LRRK2: variants seen among roughly 807,000 people sequenced by gnomAD.
LRRK2 encodes leucine rich repeat kinase 2.
Under a neutral mutation model 302.6 loss-of-function variants are expected in LRRK2, and 203 were observed. The ratio of observed to expected loss-of-function variants is 0.67; its 90% CI spans 0.60 to 0.75. The LOEUF is 0.75. Among genes scored for constraint, LRRK2 ranks in the 30% least tolerant of loss-of-function variants. The pLI, the probability that LRRK2 is intolerant of heterozygous loss-of-function variation, is 0.00. For missense variants in LRRK2, 2,830 were observed against 2,951.0 expected (o/e 0.96, Z 0.95); for synonymous variants, 1,066 against 1,031.9 (o/e 1.03, Z -0.63).
At chr12:40,238,741 T>C (rs1941586223) in intron 5 of LRRK2, among the ~76,000 whole-genome samples, 1 of 152,142 alleles carries the variant, frequency 6.6e-6, no homozygotes, top group Non-Finnish European at 1.5e-5. Context: ...GAGCCAACTG[T>C]GCTAGGGGTT....
Position 40,273,757 on chromosome 12 carries a change from T to C in LRRK2, c.1657-826T>C, listed in dbSNP as rs572076643. 2.6e-5 allele frequency among the ~76,000 whole-genome samples: 4 copies of C among 152,324 alleles called. No homozygotes were observed. The East Asian group carries it at 7.7e-4, about 29-fold the overall frequency. On this transcript the variant is annotated intron_variant, in intron 14 of 50. Transcript: ENST00000298910. ...AGAAAAGCTATGAGTTAAGCATTCA[T>C]ATCAAGGTAGATGTTTGGAGTGTAT... is the stretch of plus-strand genomic sequence containing the variant.
chr12:40,331,106 CT>C (rs1156920467), intron 39 of LRRK2, among the ~76,000 whole-genome samples: 2 of 152,040 alleles, frequency 1.3e-5, no homozygotes, highest in African/African-American at 4.8e-5. Flanking sequence ...TCATCTTGAT[CT>C]TTCTCTTTTA....
At chr12:40,272,580 T>C (rs17490921) in intron 14 of LRRK2, among the ~76,000 whole-genome samples, 6,803 of 152,218 alleles carry the variant, frequency 0.045, 511 homozygotes, top group African/African-American at 0.15. Context: ...ATTGTTATTA[T>C]GACTTGAAGT....
chr12:40,354,890 C>T (rs1447980886), intron 45 of LRRK2, among the ~76,000 whole-genome samples: 1 of 151,448 alleles, frequency 6.6e-6, no homozygotes, highest in East Asian at 1.9e-4. Context: ...CAGGCTTAAA[C>T]ATACCAGTTA....
In LRRK2 at chr12:40,314,924, C is replaced by T. The variant is rs1454761203; in HGVS notation, c.4739-288C>T. ...GTCTTTGTAGTGTGTATTCAGCAAG[C>T]GAAACAGAAAATTATGAATTTCTAC... On this transcript the variant is annotated intron_variant, in intron 32 of 50. Transcript: ENST00000298910. Among the ~76,000 whole-genome samples, 7 of 151,902 alleles carry T rather than the reference C, an allele frequency of 4.6e-5. No individual in the cohort carries two copies. In the South Asian group the frequency reaches 8.3e-4, roughly 18 times the overall value.
chr12:40,303,003 T>C, intron 26 of LRRK2, 121 bp downstream of exon 26: 1 of 705,428 alleles, frequency 1.4e-6, no homozygotes, highest in East Asian at 2.6e-5. Flanking sequence ...CTTGATGTTT[T>C]TGTATGTATG....
intron 38 of LRRK2, among the ~76,000 whole-genome samples, chr12:40,325,961 G>T (rs1239519183): frequency 6.6e-6 from 1 of 152,142 alleles, no homozygotes; most frequent in Non-Finnish European, 1.5e-5. Context: ...TATTTTTCTG[G>T]AGAGCCAAGA....
At chr12:40,326,749 C>G (rs191370421) in intron 38 of LRRK2, among the ~76,000 whole-genome samples, 27 of 152,246 alleles carry the variant, frequency 1.8e-4, no homozygotes, top group Admixed American at 1.3e-3. Context: ...TAACAGTTCC[C>G]TCTGAAGCTC....
Position 40,295,637 on chromosome 12 carries a change from TA to T in LRRK2, c.3090del (p.Cys1031ValfsTer4). The T allele has an allele frequency of 6.2e-7, 1 of 1,613,438 alleles. No homozygotes were observed. The highest frequency in any genetic ancestry group is 8.5e-7 in the Non-Finnish European group (1 of 1,179,584). On this transcript the variant is annotated frameshift_variant, in exon 23 of 51. Transcript: ENST00000298910. LOFTEE classifies it high-confidence loss of function. ...QNALTSFPQQ[L>X]CETLKSLTHL... ...GCACTCACGAGCTTTCCACAACAGC[TA>T]TGTGAAGTAAATTTAATTTATCCTT...
intron 39 of LRRK2, among the ~76,000 whole-genome samples, chr12:40,329,646 C>A (rs576727559): frequency 7.6e-4 from 116 of 152,156 alleles, no homozygotes; most frequent in African/African-American, 2.7e-3. Flanking sequence ...TTCCAAATAT[C>A]AAAGTCAAAT....
chr12:40,325,106 T>A (rs1381923074), intron 38 of LRRK2, among the ~76,000 whole-genome samples: 2 of 152,074 alleles, frequency 1.3e-5, no homozygotes, highest in African/African-American at 2.4e-5. Context: ...ACCAAGATGG[T>A]GAAACCTCAT....
Position 40,295,510 on chromosome 12 carries a change from G to T in LRRK2, c.2962G>T (p.Asp988Tyr), listed in dbSNP as rs1944348129. 16 of 1,613,764 alleles carry T rather than the reference G, an allele frequency of 9.9e-6. No homozygotes were observed. Among genetic ancestry groups the T allele is most frequent in the African/African-American group, 1.3e-5 (1 of 74,900 alleles). ...ASEREYITSL[D>Y]LSANELRDID... ...TGAGAGAGAATATATTACATCACTA[G>T]ACCTTTCAGCAAATGAACTAAGAGA... The change falls in exon 23 of 51, where the codon GAC becomes TAC. Residue 988 changes from aspartate (D) to tyrosine (Y), a missense_variant. Physicochemically the swap from Asp to Tyr is radical, Grantham distance 160 (BLOSUM62 -3). Transcript: ENST00000298910.
At position 40,251,252 on chromosome 12, in the gene LRRK2, C is replaced by G. The variant is rs1263955215; in HGVS notation, c.979C>G (p.Gln327Glu). The change falls in exon 9 of 51, where the codon CAA (glutamine) becomes GAA (glutamate). Residue 327 changes from glutamine (Q) to glutamate (E), a missense_variant. Transcript: ENST00000298910. ...TCAAGCTGAGACTATTTTCTTAAAT[C>G]AAGATTTAGAGGAAAAGAATGAGAA... ...ALLTETIFLN[Q>E]DLEEKNENQE... 1 of 1,596,414 alleles carries G rather than the reference C, an allele frequency of 6.3e-7. No homozygotes were observed. The highest frequency in any genetic ancestry group is 8.6e-7 in the Non-Finnish European group (1 of 1,168,832).
At position 40,369,115 on chromosome 12, in the gene LRRK2, G is replaced by T. The variant is rs199780825; in HGVS notation, c.*1350G>T. ...TTTTCTGTATTTTAAAGGAAGCTATGCTTTAACTTGTTATGTAATTAACAA... is the reference window on the plus strand; with the variant it reads ...TTTTCTGTATTTTAAAGGAAGCTATTCTTTAACTTGTTATGTAATTAACAA... On this transcript the variant is annotated 3_prime_UTR_variant, in exon 51 of 51. Coordinates refer to ENST00000298910, the MANE Select transcript of LRRK2 (RefSeq NM_198578.4). The T allele has an allele frequency of 2.0e-5, 3 of 151,806 alleles. No individual in the cohort carries two copies. In the East Asian group the frequency reaches 5.7e-4, roughly 29 times the overall value. 9.4% of individuals were successfully genotyped at this position (151,806 alleles called of 1,614,324 possible).
chr12:40,356,173 G>A lies in LRRK2; in HGVS notation c.6829G>A (p.Asp2277Asn). 3 of 1,611,414 alleles carry A rather than the reference G, an allele frequency of 1.9e-6. No individual in the cohort carries two copies. Among genetic ancestry groups the A allele is most frequent in the South Asian group, 1.1e-5 (1 of 90,606 alleles). The change falls in exon 46 of 51, where the codon GAT becomes AAT. Residue 2277 changes from aspartate to asparagine, a missense_variant. By Grantham distance (23) the Asp-to-Asn change is conservative. Transcript: ENST00000298910. The stretch of plus-strand genomic sequence containing the variant: ...TGATGGCAAGTTAGCAATTTTTGAA[G>A]ATAAGACTGTTAAGGTAAATGTTGA... ...TADGKLAIFE[D>N]KTVKLKGAAP...
At chr12:40,315,143 T>A in intron 32 of LRRK2, 69 bp from the exon 33 acceptor site, 1 of 1,333,194 alleles carries the variant, frequency 7.5e-7, no homozygotes, top group Non-Finnish European at 1.1e-6. Context: ...TTGGACTAGA[T>A]TTTTTCTAAA....
At chr12:40,265,772 C>G (rs1046800552) in intron 14 of LRRK2, among the ~76,000 whole-genome samples, 1 of 152,054 alleles carries the variant, frequency 6.6e-6, no homozygotes, top group African/African-American at 2.4e-5. Context: ...CTACAGTAAC[C>G]AAAACAGCAT....
chr12:40,309,594 C>T (rs1457889850), intron 30 of LRRK2, among the ~76,000 whole-genome samples: 1 of 151,954 alleles, frequency 6.6e-6, no homozygotes, highest in Non-Finnish European at 1.5e-5. Flanking sequence ...ATATATATCT[C>T]ATCAACTTTG....
chr12:40,299,994 G>C (rs73102750), intron 25 of LRRK2, among the ~76,000 whole-genome samples: 1,942 of 152,212 alleles, frequency 0.013, 55 homozygotes, highest in African/African-American at 0.042. Flanking sequence ...CTACTGTGTA[G>C]TACCCTGTGG....
Sources: allele counts gnomAD v4.1 joint callset (sites outside exome capture counted in the v4.1 genomes callset), GRCh38; gene constraint gnomAD v4.1.1; transcripts MANE v1.5; gene names NCBI Gene and HGNC (gene_info 2026-07-23, HGNC 2026-07-21).